TEX11: variants seen among roughly 807,000 people sequenced by gnomAD.
TEX11 encodes testis-expressed protein 11.
A neutral mutation model predicts 84.4 loss-of-function variants in TEX11; 7 were observed. The observed-to-expected ratio is 0.08, with a 90% CI of 0.05 to 0.16. TEX11 has a LOEUF of 0.16. Ranked by LOEUF, TEX11 falls within the 10% of genes least tolerant of loss-of-function variation. The pLI is 1.00. For missense variants in TEX11, 551 were observed against 660.5 expected (o/e 0.83, Z 1.82); for synonymous variants, 264 against 222.8 (o/e 1.18, Z -1.64).
chrX:70,888,684 C>A (rs1000109178), intron 2 of TEX11, among the ~76,000 whole-genome samples: 2 of 111,791 alleles, frequency 1.8e-5, no homozygotes, highest in African/African-American at 6.5e-5. Flanking sequence ...TAACAGAGAA[C>A]TTCCCAAACT....
At chrX:70,604,888 G>C (rs2089177539) in intron 24 of TEX11, among the ~76,000 whole-genome samples, 1 of 111,721 alleles carries the variant, frequency 9.0e-6, no homozygotes, top group Non-Finnish European at 1.9e-5. Flanking sequence ...TAACATTTAA[G>C]AATCTGATAG....
chrX:70,795,612 C>T (rs760650623), intron 9 of TEX11, among the ~76,000 whole-genome samples: 2 of 111,555 alleles, frequency 1.8e-5, no homozygotes, highest in African/African-American at 6.5e-5. Context: ...TCACTCCTCC[C>T]CTAGCTCCAG....
intron 9 of TEX11, among the ~76,000 whole-genome samples, chrX:70,796,638 G>A (rs2091157290): frequency 8.9e-6 from 1 of 112,214 alleles, no homozygotes; most frequent in Non-Finnish European, 1.9e-5. Flanking sequence ...AAGAACTGCT[G>A]CACAGCAAAA....
intron 16 of TEX11, among the ~76,000 whole-genome samples, chrX:70,655,324 G>A (rs2089853763): frequency 9.0e-6 from 1 of 110,765 alleles, no homozygotes; most frequent in Admixed American, 9.6e-5. Context: ...CTTTACCACG[G>A]GTTTATCAGG....
chrX:70,871,363 C>T (rs921969074), intron 4 of TEX11, among the ~76,000 whole-genome samples: 13 of 112,157 alleles, frequency 1.2e-4, no homozygotes, highest in Non-Finnish European at 2.3e-4. Flanking sequence ...AAGCTCTAGT[C>T]TCACATCTCC....
intron 17 of TEX11, among the ~76,000 whole-genome samples, chrX:70,650,927 T>G (rs1423856701): frequency 1.8e-5 from 2 of 111,622 alleles, no homozygotes; most frequent in African/African-American, 6.5e-5. Context: ...CTTAACTTAA[T>G]GGAAAGGCCT....
chrX:70,720,525 A>G lies in TEX11; in HGVS notation c.1004+2093T>C, dbSNP rs1191831153. Among the ~76,000 whole-genome samples the G allele has an allele frequency of 3.6e-5, 4 of 109,937 alleles. 1 individual carries two copies. The highest frequency in any genetic ancestry group is 1.9e-5 in the Non-Finnish European group (1 of 52,796). On this transcript the variant is annotated intron_variant, in intron 13 of 29. Transcript: ENST00000374333. ...CTAGAACTTAAAGTATAATAAAAAA[A>G]GAAGGTACTAAAAAAAAAAGAATAT...
At chrX:70,670,252 G>C in intron 16 of TEX11, 125 bp downstream of exon 16, 2 of 719,108 alleles carry the variant, frequency 2.8e-6, no homozygotes, top group Non-Finnish European at 4.0e-6. Context: ...ATTTGACCTT[G>C]TTCTATATGA....
intron 16 of TEX11, among the ~76,000 whole-genome samples, chrX:70,654,554 T>C (rs2089842195): frequency 9.2e-6 from 1 of 108,583 alleles, no homozygotes; most frequent in Admixed American, 9.9e-5. Flanking sequence ...CTACTAAAAA[T>C]ATAAAAATTA....
rs777825339 is a variant in TEX11 at position 70,695,754 on chromosome X, G to C, written c.1005-12929C>G. Among the ~76,000 whole-genome samples, 4 of 111,730 alleles carry C rather than the reference G, an allele frequency of 3.6e-5. 1 individual carries two copies. Among genetic ancestry groups the C allele is most frequent in the Non-Finnish European group, 7.5e-5 (4 of 53,154 alleles). ...TATAAATTTAGTGTCAACTTGCATAGAGAACCCTGGAGATTGCTCTAAAGA... is the reference window on the plus strand; with the variant it reads ...TATAAATTTAGTGTCAACTTGCATACAGAACCCTGGAGATTGCTCTAAAGA... On this transcript the variant is annotated intron_variant, in intron 13 of 29. Transcript: ENST00000374333.
At chrX:70,610,981 C>T (rs1220819205) in intron 20 of TEX11, among the ~76,000 whole-genome samples, 1 of 111,948 alleles carries the variant, frequency 8.9e-6, no homozygotes, top group African/African-American at 3.2e-5. Flanking sequence ...TGGGTGGAGG[C>T]TTGGAGTTTC....
intron 18 of TEX11, among the ~76,000 whole-genome samples, 169 bp downstream of exon 18, chrX:70,629,442 T>C (rs984082639): frequency 8.9e-6 from 1 of 112,130 alleles, no homozygotes; most frequent in Non-Finnish European, 1.9e-5. Context: ...GTCTGCATTA[T>C]AGTGAAATGA....
intron 25 of TEX11, among the ~76,000 whole-genome samples, chrX:70,588,686 C>T (rs1251686996): frequency 8.9e-6 from 1 of 111,876 alleles, no homozygotes; most frequent in East Asian, 2.8e-4. Context: ...AATTTTGACA[C>T]ATGCTATGAC....
intron 13 of TEX11, among the ~76,000 whole-genome samples, chrX:70,683,295 A>G (rs1018275496): frequency 8.9e-6 from 1 of 112,273 alleles, no homozygotes; most frequent in Non-Finnish European, 1.9e-5. Context: ...TAATGTGTTG[A>G]TATTCCCAAA....
chrX:70,747,449 A>C (rs2090775785), intron 9 of TEX11, among the ~76,000 whole-genome samples: 1 of 112,545 alleles, frequency 8.9e-6, no homozygotes, highest in Non-Finnish European at 1.9e-5. Context: ...AAAAACAATA[A>C]GCCCCAGAAA....
At chrX:70,601,684 C>A (rs1324805326) in intron 24 of TEX11, among the ~76,000 whole-genome samples, 4 of 100,316 alleles carry the variant, frequency 4.0e-5, no homozygotes, top group African/African-American at 1.5e-4. Context: ...GACCCTGCGG[C>A]CTTCTGCAGT....
intron 25 of TEX11, among the ~76,000 whole-genome samples, chrX:70,569,772 G>T (rs762508633): frequency 9.0e-6 from 1 of 111,025 alleles, no homozygotes; most frequent in African/African-American, 3.3e-5. Flanking sequence ...TGGAAGTTTT[G>T]TCTCAGAGGA....
At chrX:70,652,880 T>C (rs372988814) in intron 16 of TEX11, among the ~76,000 whole-genome samples, 1 of 110,043 alleles carries the variant, frequency 9.1e-6, no homozygotes, top group African/African-American at 3.3e-5. Flanking sequence ...GGATAGCCAC[T>C]AAAAGATTAG....
chrX:70,887,928 T>C (rs1161247677), intron 2 of TEX11, among the ~76,000 whole-genome samples: 1 of 112,825 alleles, frequency 8.9e-6, no homozygotes, highest in Non-Finnish European at 1.9e-5. Context: ...AAGCCTCTGC[T>C]GGGTAATCTA....
Sources: allele counts gnomAD v4.1 joint callset (sites outside exome capture counted in the v4.1 genomes callset), GRCh38; gene constraint gnomAD v4.1.1; transcripts MANE v1.5; gene names NCBI Gene and HGNC (gene_info 2026-07-23, HGNC 2026-07-21).